Variants in RASAL2 observed in about 807,000 individuals in gnomAD.
RASAL2 encodes the protein ras GTPase-activating protein nGAP.
RASAL2 carries 58 observed loss-of-function variants against 128.9 expected under a neutral mutation model. The observed-to-expected ratio is 0.45, with a 90% CI of 0.36 to 0.56. The LOEUF (loss-of-function observed/expected upper bound fraction) is 0.56. Ranked by LOEUF, RASAL2 falls within the 20% of genes least tolerant of loss-of-function variation. The pLI is 0.00. For missense variants in RASAL2, 1,360 were observed against 1,601.6 expected, an observed-to-expected ratio of 0.85 and a Z score of 2.57; for synonymous variants, 561 against 580.8, an observed-to-expected ratio of 0.97 and a Z score of 0.49.
In RASAL2 at chr1:178,464,368, G is replaced by A. The variant is rs773450558; in HGVS notation, c.3343G>A (p.Glu1115Lys). Reference sequence around the variant, plus strand: ...CAATGGGCAGTATGAAGAGGATGTGGAAGAAACTGAGCAAAATCTAGATGA... The same window carrying A: ...CAATGGGCAGTATGAAGAGGATGTGAAAGAAACTGAGCAAAATCTAGATGA... ...LNNGQYEEDV[E>K]ETEQNLDEAK... is the part of the protein sequence containing the mutation. The change falls in exon 15 of 18, where the codon GAA becomes AAA. Residue 1115 changes from glutamate (E) to lysine (K), a missense_variant. Glu to Lys is a moderately conservative substitution (Grantham distance 56). Transcript: ENST00000367649. 13 of 1,613,806 alleles carry A rather than the reference G, an allele frequency of 8.1e-6. No individual in the cohort carries two copies. The Admixed American group carries it at 2.2e-4, about 27-fold the overall frequency.
At chr1:178,248,724 G>A (rs890725496) in intron 1 of RASAL2, among the ~76,000 whole-genome samples, 1 of 152,054 alleles carries the variant, frequency 6.6e-6, no homozygotes, top group Non-Finnish European at 1.5e-5. Context: ...AGGAGCTCTT[G>A]TAAGGCCTTG....
chr1:178,368,681 A>G (rs1185994493), intron 3 of RASAL2, among the ~76,000 whole-genome samples: 2 of 151,202 alleles, frequency 1.3e-5, no homozygotes, highest in African/African-American at 4.9e-5. Context: ...TCCGTCACCT[A>G]GACTGCAGCA....
intron 1 of RASAL2, among the ~76,000 whole-genome samples, chr1:178,193,076 G>A (rs1010519391): frequency 5.3e-5 from 8 of 151,942 alleles, no homozygotes; most frequent in African/African-American, 1.7e-4. Flanking sequence ...AGGAAGCAGC[G>A]AAAAAAATAT....
chr1:178,162,264 C>G (rs1487303631), intron 1 of RASAL2, among the ~76,000 whole-genome samples: 2 of 134,812 alleles, frequency 1.5e-5, no homozygotes, highest in Non-Finnish European at 3.1e-5. Flanking sequence ...CGCACCTGGC[C>G]TAATTGTTGA....
At chr1:178,387,351 A>G (rs1020347223) in intron 3 of RASAL2, among the ~76,000 whole-genome samples, 1 of 151,662 alleles carries the variant, frequency 6.6e-6, no homozygotes, top group African/African-American at 2.4e-5. Context: ...TTTTCCCATA[A>G]TACAGAAAGA....
chr1:178,325,097 A>ATCT (rs1161467185), intron 3 of RASAL2, among the ~76,000 whole-genome samples: 1 of 152,182 alleles, frequency 6.6e-6, no homozygotes, highest in Non-Finnish European at 1.5e-5. Flanking sequence ...ATTTTGATTG[A>ATCT]TATTTAATAT....
chr1:178,288,921 G>A (rs917072799), intron 2 of RASAL2, among the ~76,000 whole-genome samples: 1 of 151,896 alleles, frequency 6.6e-6, no homozygotes, highest in African/African-American at 2.4e-5. Flanking sequence ...AAAGTGCTGG[G>A]ATTACAGGTG....
intron 3 of RASAL2, among the ~76,000 whole-genome samples, chr1:178,373,873 A>G (rs550658601): frequency 5.5e-4 from 84 of 152,268 alleles, no homozygotes; most frequent in Admixed American, 1.2e-3. Context: ...GAACTTGCTT[A>G]GAAGAAAAAA....
Position 178,285,103 on chromosome 1 carries a change from C to CTTTTTT in RASAL2, c.330+1435_330+1440dup, listed in dbSNP as rs58901015. 7.7e-4 allele frequency among the ~76,000 whole-genome samples: 63 copies of CTTTTTT among 81,940 alleles called. 2 individuals carry two copies. The highest frequency in any genetic ancestry group is 2.0e-3 in the African/African-American group (33 of 16,458). The allele number at this position is 81,940 out of a possible 152,430, so 53.8% of individuals were successfully genotyped here. On this transcript the variant is annotated intron_variant, in intron 2 of 17. Transcript: ENST00000367649. Reference sequence around the variant, plus strand: ...GTATTTTAATAGGCATTGCTACTTTCTTTTTTTTTTTTTTTTTTTTTTTTT... The same window carrying CTTTTTT: ...GTATTTTAATAGGCATTGCTACTTTCTTTTTTTTTTTTTTTTTTTTTTTTTTTTTTT...
At chr1:178,127,933 G>A (rs566481662) in intron 1 of RASAL2, among the ~76,000 whole-genome samples, 6 of 152,204 alleles carry the variant, frequency 3.9e-5, no homozygotes, top group African/African-American at 1.2e-4. Flanking sequence ...AAATTAAGAA[G>A]AGGAAATGAT....
intron 3 of RASAL2, among the ~76,000 whole-genome samples, chr1:178,387,704 T>C (rs1162029377): frequency 6.6e-6 from 1 of 152,188 alleles, no homozygotes; most frequent in Non-Finnish European, 1.5e-5. Flanking sequence ...GGACATGAAC[T>C]CATCATTTTT....
rs74659396 is a variant in RASAL2 at position 178,398,576 on chromosome 1, G to C, written c.564+8370G>C. ...ATCAACAAATCAGGAAATAGAAAAG[G>C]ATGCTGTTTTGGCAAACATTCTTTC... On this transcript the variant is annotated intron_variant, in intron 4 of 17. Coordinates refer to ENST00000367649, the MANE Select transcript of RASAL2 (RefSeq NM_170692.4). Among the ~76,000 whole-genome samples, 630 of 152,226 alleles carry C rather than the reference G, an allele frequency of 4.1e-3. 3 individuals are homozygous for C. The highest frequency in any genetic ancestry group is 0.014 in the African/African-American group (575 of 41,532).
intron 1 of RASAL2, among the ~76,000 whole-genome samples, chr1:178,109,016 ATTAC>A (rs1279002781): frequency 6.6e-6 from 1 of 152,186 alleles, no homozygotes; most frequent in Admixed American, 6.6e-5. Context: ...TTCTATGCCT[ATTAC>A]TTATGTTTGA....
intron 1 of RASAL2, among the ~76,000 whole-genome samples, chr1:178,207,618 T>G (rs549967725): frequency 7.2e-5 from 11 of 152,176 alleles, no homozygotes; most frequent in Non-Finnish European, 1.3e-4. Context: ...TATTGAGTGA[T>G]GGGATTTTGG....
intron 3 of RASAL2, among the ~76,000 whole-genome samples, chr1:178,333,119 C>G (rs1221107367): frequency 6.6e-6 from 1 of 152,050 alleles, no homozygotes; most frequent in East Asian, 1.9e-4. Context: ...AGCTCCGCCT[C>G]CCGGGTTCAC....
chr1:178,320,838 A>G (rs755944204), intron 3 of RASAL2, among the ~76,000 whole-genome samples: 1 of 152,130 alleles, frequency 6.6e-6, no homozygotes, highest in Non-Finnish European at 1.5e-5. Context: ...TATTATGACT[A>G]TTTAATTCGT....
In RASAL2 at chr1:178,358,820, T is replaced by C. The variant is rs75860896; in HGVS notation, c.458-31280T>C. Among the ~76,000 whole-genome samples, 302 of 152,240 alleles carry C rather than the reference T, an allele frequency of 2.0e-3. 2 individuals are homozygous for C. In the East Asian group the frequency reaches 0.029, roughly 15 times the overall value. On this transcript the variant is annotated intron_variant, in intron 3 of 17. Coordinates refer to ENST00000367649, the MANE Select transcript of RASAL2 (RefSeq NM_170692.4). ...TCCTACAAAGGATAAAAGAAGACAT[T>C]TGCAAGGATGTTCACAGCAGCACTG...
intron 4 of RASAL2, 25 bp downstream of exon 4, chr1:178,390,231 A>C (rs1672818387): frequency 2.0e-6 from 3 of 1,533,730 alleles, no homozygotes; most frequent in Non-Finnish European, 2.7e-6. Context: ...TCTTTATAAG[A>C]ATATTTTACT....
At chr1:178,209,067 TC>T (rs887424223) in intron 1 of RASAL2, among the ~76,000 whole-genome samples, 2 of 152,162 alleles carry the variant, frequency 1.3e-5, no homozygotes, top group Non-Finnish European at 2.9e-5. Context: ...TTTTTAATTG[TC>T]TTTTTGTATT....
Sources: gnomAD v4.1 joint callset for allele counts (sites outside exome capture counted in the v4.1 genomes callset) on GRCh38, gnomAD v4.1.1 for gene constraint, MANE v1.5 for transcripts, NCBI Gene and HGNC (gene_info 2026-07-23, HGNC 2026-07-21) for gene names.